Variants in CCDC144A observed in about 807,000 individuals in gnomAD.
CCDC144A encodes the protein coiled-coil domain containing 144A.
In CCDC144A, 41 loss-of-function variants were observed where a neutral mutation model predicts 143.8. The observed-to-expected ratio is 0.29, with a 90% CI of 0.22 to 0.37. CCDC144A has a LOEUF of 0.37. CCDC144A is among the 10% of genes least tolerant of loss of function. The pLI, the probability that CCDC144A is intolerant of heterozygous loss-of-function variation, is 1.00. For synonymous variants in CCDC144A, 242 were observed against 517.9 expected (o/e 0.47, Z 7.23); for missense variants, 637 against 1,488.8 (o/e 0.43, Z 9.41).
chr17:16,741,157 G>A (rs959476404), intron 12 of CCDC144A, among the ~76,000 whole-genome samples: 1 of 151,898 alleles, frequency 6.6e-6, no homozygotes, highest in African/African-American at 2.4e-5. Flanking sequence ...TATTTTTCTG[G>A]TTATTTTTTC....
chr17:16,736,435 A>C (rs1914006693), intron 12 of CCDC144A, among the ~76,000 whole-genome samples: 1 of 151,842 alleles, frequency 6.6e-6, no homozygotes, highest in Non-Finnish European at 1.5e-5. Flanking sequence ...TTTTTATTAA[A>C]TCATAATTTG....
intron 12 of CCDC144A, among the ~76,000 whole-genome samples, chr17:16,742,510 G>A (rs1260190232): frequency 6.6e-6 from 1 of 152,100 alleles, no homozygotes; most frequent in African/African-American, 2.4e-5. Flanking sequence ...GTTGTGAATA[G>A]TGCTGCAATC....
chr17:16,742,610 A>G (rs1204800968), intron 12 of CCDC144A, among the ~76,000 whole-genome samples: 1 of 152,066 alleles, frequency 6.6e-6, no homozygotes, highest in Non-Finnish European at 1.5e-5. Flanking sequence ...TGACACTTCT[A>G]TTTTTAGCTT....
At chr17:16,771,016 A>G (rs1915806247) in intron 15 of CCDC144A, among the ~76,000 whole-genome samples, 1 of 152,240 alleles carries the variant, frequency 6.6e-6, no homozygotes. Flanking sequence ...CTTGACACCT[A>G]AAATTTCTAA....
intron 8 of CCDC144A, among the ~76,000 whole-genome samples, chr17:16,724,085 G>A (rs1913246498): frequency 6.6e-6 from 1 of 151,348 alleles, no homozygotes; most frequent in South Asian, 2.1e-4. Flanking sequence ...TCTTTGCATC[G>A]TGTCTTTGAC....
intron 14 of CCDC144A, among the ~76,000 whole-genome samples, chr17:16,763,182 G>C (rs1468211348): frequency 6.6e-6 from 1 of 151,040 alleles, no homozygotes; most frequent in East Asian, 1.9e-4. Context: ...GTCAGCCTGA[G>C]GCGGTATATG....
At chr17:16,696,763 A>T (rs1196432143) in intron 2 of CCDC144A, among the ~76,000 whole-genome samples, 1 of 152,102 alleles carries the variant, frequency 6.6e-6, no homozygotes, top group African/African-American at 2.4e-5. Flanking sequence ...AACAGTGGCT[A>T]AAACAGTAGG....
chr17:16,746,860 C>G, intron 12 of CCDC144A: 1 of 745,048 alleles, frequency 1.3e-6, no homozygotes, highest in South Asian at 1.5e-5. Flanking sequence ...CCGCCCCTCC[C>G]TCCTCTCCCT....
chr17:16,714,620 T>G (rs1375394597), intron 6 of CCDC144A, among the ~76,000 whole-genome samples: 1 of 152,070 alleles, frequency 6.6e-6, no homozygotes, highest in Non-Finnish European at 1.5e-5. Context: ...TCTAGATGCA[T>G]GTAATAGACT....
intron 8 of CCDC144A, among the ~76,000 whole-genome samples, chr17:16,725,259 A>G (rs1045593458): frequency 6.6e-6 from 1 of 151,750 alleles, no homozygotes; most frequent in Non-Finnish European, 1.5e-5. Flanking sequence ...TAATGTGCTT[A>G]TTAATACAGT....
intron 8 of CCDC144A, among the ~76,000 whole-genome samples, chr17:16,723,487 T>C (rs1347794025): frequency 6.6e-6 from 1 of 152,202 alleles, no homozygotes; most frequent in African/African-American, 2.4e-5. Context: ...GTTTCATCTT[T>C]GATGTTTTGG....
chr17:16,733,503 C>CAA (rs575145486), intron 11 of CCDC144A, among the ~76,000 whole-genome samples: 1 of 79,772 alleles, frequency 1.3e-5, no homozygotes, highest in South Asian at 3.9e-4. Flanking sequence ...GACTCCGTCT[C>CAA]AAAAAAAAAA....
In CCDC144A at chr17:16,730,248, T is replaced by G. The variant is rs572199601; in HGVS notation, c.2106-1552T>G. On this transcript the variant is annotated intron_variant, in intron 9 of 16. Coordinates refer to ENST00000399273, the MANE Select transcript of CCDC144A (RefSeq NM_001382000.1). ...ACACCATTTATTGAATAGGGTGTTCTTTGCCCAGTTTATGTCTTTGTACGC... is the reference window on the plus strand; with the variant it reads ...ACACCATTTATTGAATAGGGTGTTCGTTGCCCAGTTTATGTCTTTGTACGC... Among the ~76,000 whole-genome samples, 118 of 113,670 alleles carry G rather than the reference T, an allele frequency of 1.0e-3. 3 individuals carry two copies. Among genetic ancestry groups the G allele is most frequent in the African/African-American group, 4.4e-3 (111 of 25,288 alleles). 74.6% of individuals were successfully genotyped at this position (113,670 alleles called of 152,430 possible). A position where few individuals can be genotyped will look rare whatever the true frequency, so the allele number is the denominator to read the frequency against.
At chr17:16,720,386 C>T (rs1302847150) in intron 7 of CCDC144A, 131 bp from the exon 8 acceptor site, 1 of 952,198 alleles carries the variant, frequency 1.1e-6, no homozygotes, top group South Asian at 1.7e-5. Context: ...CTTTTAAGAA[C>T]AATCTGTTGC....
At chr17:16,755,665 T>A (rs1482113639) in intron 12 of CCDC144A, among the ~76,000 whole-genome samples, 2 of 152,242 alleles carry the variant, frequency 1.3e-5, no homozygotes, top group African/African-American at 4.8e-5. Context: ...GTTCAAGCAA[T>A]TCTTGTGCCT....
In CCDC144A at chr17:16,760,250, G is replaced by A. The variant is rs1248545217; in HGVS notation, c.3373-1175G>A. 5.3e-5 allele frequency among the ~76,000 whole-genome samples: 8 copies of A among 150,868 alleles called. 1 individual carries two copies. In the East Asian group the frequency reaches 1.6e-3, roughly 29 times the overall value. ...CCAGCTTGTATTTAGGAGAGGGAAT[G>A]TCATGGGAGAAGTGGCAAGCAATTT... On this transcript the variant is annotated intron_variant, in intron 12 of 16. Coordinates refer to ENST00000399273, the MANE Select transcript of CCDC144A (RefSeq NM_001382000.1).
At chr17:16,678,588 T>TC in the CCDC144A span, among the ~76,000 whole-genome samples, 6 of 144,074 alleles carry the variant, frequency 4.2e-5, no homozygotes, top group African/African-American at 5.2e-5. Flanking sequence ...TTCTTTTCTT[T>TC]TTTTTTTTTT....
chr17:16,747,449 G>GA (rs1428856197), intron 12 of CCDC144A, among the ~76,000 whole-genome samples: 1 of 152,220 alleles, frequency 6.6e-6, no homozygotes, highest in African/African-American at 2.4e-5. Flanking sequence ...CTAATGCTGT[G>GA]AAAAATGACA....
intron 15 of CCDC144A, among the ~76,000 whole-genome samples, chr17:16,770,295 G>A (rs1345035983): frequency 1.1e-4 from 16 of 151,994 alleles, no homozygotes; most frequent in Admixed American, 3.3e-4. Context: ...GACTACAGGC[G>A]CCCACCACCA....
Sources: allele counts gnomAD v4.1 joint callset (sites outside exome capture counted in the v4.1 genomes callset), GRCh38; gene constraint gnomAD v4.1.1; transcripts MANE v1.5; gene names NCBI Gene and HGNC (gene_info 2026-07-23, HGNC 2026-07-21).